The following JAKMIP1 variants were observed in gnomAD, a reference collection of about 807,000 sequenced individuals.
JAKMIP1 encodes the protein janus kinase and microtubule-interacting protein 1.
Under a neutral mutation model 113.0 loss-of-function variants are expected in JAKMIP1, and 33 were observed. The ratio of observed to expected loss-of-function variants is 0.29; its 90% confidence interval spans 0.22 to 0.39. The LOEUF (loss-of-function observed/expected upper bound fraction) is 0.39. Among genes scored for constraint, JAKMIP1 ranks in the 10% least tolerant of loss-of-function variants. The pLI is 1.00. For synonymous variants in JAKMIP1, 480 were observed against 459.9 expected (o/e 1.04, Z -0.56); for missense variants, 813 against 1,080.5 (o/e 0.75, Z 3.47).
At position 6,093,132 on chromosome 4, in the gene JAKMIP1, C is replaced by T. The variant is rs1722312395; in HGVS notation, c.625-7503G>A. ...TAGGATCACCTAACAAACTCCTATG[C>T]ATCCTTCAAAACCCAGCTCACACCT... On this transcript the variant is annotated intron_variant, in intron 3 of 20. Transcript: ENST00000409021. This position sits in a 1 kb window ranked among gnomAD's most constrained non-coding sequence, Gnocchi z 4.6. Among the ~76,000 whole-genome samples, 1 of 152,102 alleles carries T rather than the reference C, an allele frequency of 6.6e-6. No homozygotes were observed. Among genetic ancestry groups the T allele is most frequent in the Admixed American group, 6.5e-5 (1 of 15,278 alleles).
At chr4:6,062,289 G>C (rs1026752876) in intron 10 of JAKMIP1, 23 bp downstream of exon 10, 7 of 1,611,326 alleles carry the variant, frequency 4.3e-6, no homozygotes, top group Non-Finnish European at 5.9e-6. Context: ...CCTCCCTCGA[G>C]CCCTGAGGCT....
At chr4:6,099,873 G>A (rs1578231413) in intron 3 of JAKMIP1, among the ~76,000 whole-genome samples, 2 of 152,184 alleles carry the variant, frequency 1.3e-5, no homozygotes, top group Admixed American at 6.5e-5. Context: ...TCTCTGTTTC[G>A]TTTTAGGGCA....
At chr4:6,198,390 G>A (rs879016920) in intron 1 of JAKMIP1, among the ~76,000 whole-genome samples, 4 of 152,216 alleles carry the variant, frequency 2.6e-5, no homozygotes, top group South Asian at 2.1e-4. Context: ...GGCAGCAGGC[G>A]TGGCTGAGAC....
At chr4:6,054,236 G>A in intron 12 of JAKMIP1, 88 bp from the exon 13 acceptor site, 3 of 1,341,468 alleles carry the variant, frequency 2.2e-6, no homozygotes, top group Non-Finnish European at 3.2e-6. Flanking sequence ...TGGCTGGAGG[G>A]AAACAGACGA....
chr4:6,174,171 C>A (rs921335248), intron 1 of JAKMIP1, among the ~76,000 whole-genome samples: 4 of 152,190 alleles, frequency 2.6e-5, no homozygotes, highest in Non-Finnish European at 5.9e-5. Context: ...CAATAATACC[C>A]TATATAGCAA....
Position 6,088,531 on chromosome 4 carries a change from G to C in JAKMIP1, c.625-2902C>G, listed in dbSNP as rs1220439949. Among the ~76,000 whole-genome samples, 1 of 152,194 alleles carries C rather than the reference G, an allele frequency of 6.6e-6. No individual in the cohort carries two copies. The highest frequency in any genetic ancestry group is 2.4e-5 in the African/African-American group (1 of 41,444). ...CCCCCTTGTCCTAGTAAGTGAGACA[G>C]AGGGCTTCTGCCCCAGTCATCACAA... On this transcript the variant is annotated intron_variant, in intron 3 of 20. Coordinates refer to ENST00000409021, the MANE Select transcript of JAKMIP1 (RefSeq NM_001099433.2). This position sits in a 1 kb window ranked among gnomAD's most constrained non-coding sequence, Gnocchi z 5.5.
At position 6,138,700 on chromosome 4, in the gene JAKMIP1, G is replaced by A. The variant is rs1383096718; in HGVS notation, c.-147-25703C>T. ...AACCACGGAATGGCCGTGCAGTGGC[G>A]TGTTCTCAACGGCCAGCTCTGTCTC... On this transcript the variant is annotated intron_variant, in intron 1 of 20. Transcript: ENST00000409021. The surrounding 1 kb of genome is among the most constrained non-coding windows in gnomAD (Gnocchi z 6.0). Among the ~76,000 whole-genome samples, 4 of 152,106 alleles carry A rather than the reference G, an allele frequency of 2.6e-5. No individual in the cohort carries two copies. Among genetic ancestry groups the A allele is most frequent in the South Asian group, 4.1e-4 (2 of 4,828 alleles).
At chr4:6,114,436 A>T (rs945075813) in intron 1 of JAKMIP1, among the ~76,000 whole-genome samples, 3 of 152,302 alleles carry the variant, frequency 2.0e-5, no homozygotes, top group Non-Finnish European at 4.4e-5. Context: ...AAAGTACAGG[A>T]CAGGGGTGCC....
At chr4:6,055,782 C>T (rs538835731) in intron 12 of JAKMIP1, among the ~76,000 whole-genome samples, 6 of 150,210 alleles carry the variant, frequency 4.0e-5, no homozygotes, top group Non-Finnish European at 7.4e-5. Flanking sequence ...GACAGGGCAG[C>T]TCTCCCAATT....
chr4:6,085,475 G>A lies in JAKMIP1; in HGVS notation c.779C>T (p.Pro260Leu), dbSNP rs1721159639. Reference sequence around the variant, plus strand: ...GATCCCGGGCGGGAGCTCTCTCTTTGGACTACTGTGGTGCCGCTCGGCCTC... The same window carrying A: ...GATCCCGGGCGGGAGCTCTCTCTTTAGACTACTGTGGTGCCGCTCGGCCTC... ...VKEAERHHSS[P>L]KRELPPGIGD... Residue 260 changes from proline to leucine, a missense_variant, in exon 4 of 21, where the codon CCA (proline) becomes CTA (leucine). Pro to Leu is a moderately conservative substitution (Grantham distance 98). Coordinates refer to ENST00000409021, the MANE Select transcript of JAKMIP1 (RefSeq NM_001099433.2). 7 of 1,614,048 alleles carry A rather than the reference G, an allele frequency of 4.3e-6. No homozygotes were observed. The highest frequency in any genetic ancestry group is 5.9e-6 in the Non-Finnish European group (7 of 1,180,026).
chr4:6,099,640 G>A (rs1712673411), intron 3 of JAKMIP1, among the ~76,000 whole-genome samples: 1 of 152,180 alleles, frequency 6.6e-6, no homozygotes. Context: ...CTCAGACATT[G>A]ACTCTCCTTT....
chr4:6,169,018 C>T (rs1309567916), intron 1 of JAKMIP1, among the ~76,000 whole-genome samples: 1 of 152,076 alleles, frequency 6.6e-6, no homozygotes, highest in African/African-American at 2.4e-5. Context: ...GGATTTCTTT[C>T]TGGGGAGATT....
In JAKMIP1 at chr4:6,190,131, C is replaced by A. The variant is rs117761411; in HGVS notation, c.-148+10122G>T. 3.7e-3 allele frequency among the ~76,000 whole-genome samples: 568 copies of A among 152,178 alleles called. 20 individuals are homozygous for A. Among genetic ancestry groups the A allele is most frequent in the Admixed American group, 0.025 (382 of 15,292 alleles). Reference sequence around the variant, plus strand: ...CCAAGAAGGATGGAGAAGTGGCACCCGAGGAGCAGTTCTCAGGAGAGGGCT... The same window carrying A: ...CCAAGAAGGATGGAGAAGTGGCACCAGAGGAGCAGTTCTCAGGAGAGGGCT... On this transcript the variant is annotated intron_variant, in intron 1 of 20. Coordinates refer to ENST00000409021, the MANE Select transcript of JAKMIP1 (RefSeq NM_001099433.2).
At chr4:6,164,175 C>A (rs1304703224) in intron 1 of JAKMIP1, among the ~76,000 whole-genome samples, 1 of 152,204 alleles carries the variant, frequency 6.6e-6, no homozygotes, top group African/African-American at 2.4e-5. Flanking sequence ...CGATGCCTAG[C>A]TTCAAAGCTT....
At position 6,141,281 on chromosome 4, in the gene JAKMIP1, C is replaced by G. The variant is rs1306187004; in HGVS notation, c.-147-28284G>C. Among the ~76,000 whole-genome samples the G allele has an allele frequency of 6.6e-6, 1 of 151,958 alleles. No homozygotes were observed. The highest frequency in any genetic ancestry group is 2.4e-5 in the African/African-American group (1 of 41,342). On this transcript the variant is annotated intron_variant, in intron 1 of 20. Transcript: ENST00000409021. This position sits in a 1 kb window ranked among gnomAD's most constrained non-coding sequence, Gnocchi z 9.4. ...CGAAACCCCGTCTCTATTAAAAATA[C>G]AAAAATTAGCCAGGGGTGGTGGCGC...
intron 16 of JAKMIP1, among the ~76,000 whole-genome samples, chr4:6,043,184 C>T (rs1281008006): frequency 2.6e-5 from 4 of 152,050 alleles, no homozygotes; most frequent in South Asian, 2.1e-4. Context: ...GCCCCAGCTG[C>T]GGAGCGCCCT....
At chr4:6,032,988 G>A (rs952325297) in intron 19 of JAKMIP1, among the ~76,000 whole-genome samples, 3 of 152,232 alleles carry the variant, frequency 2.0e-5, no homozygotes, top group Non-Finnish European at 4.4e-5. Context: ...GCTAGGAAGC[G>A]AAACCAGTGC....
At chr4:6,030,232 C>G (rs1033394284) in intron 19 of JAKMIP1, among the ~76,000 whole-genome samples, 1 of 151,960 alleles carries the variant, frequency 6.6e-6, no homozygotes, top group Non-Finnish European at 1.5e-5. Context: ...TTAACTGCAG[C>G]CTGGGGGATG....
At chr4:6,043,754 GC>G (rs1314341249) in intron 16 of JAKMIP1, among the ~76,000 whole-genome samples, 1 of 106,144 alleles carries the variant, frequency 9.4e-6, no homozygotes, top group African/African-American at 3.8e-5. Flanking sequence ...ATTCCTTTCT[GC>G]CCCCCCAGCC....
Sources: allele counts gnomAD v4.1 joint callset (sites outside exome capture counted in the v4.1 genomes callset), GRCh38; gene constraint gnomAD v4.1.1; non-coding constraint Gnocchi (gnomAD v3.1); transcripts MANE v1.5; gene names NCBI Gene and HGNC (gene_info 2026-07-23, HGNC 2026-07-21).